The following SHTN1 variants were observed in gnomAD, a reference collection of about 807,000 sequenced individuals.
SHTN1 encodes shootin 1, also known as shootin-1.
SHTN1 carries 42 observed loss-of-function variants against 83.1 expected under a neutral mutation model. The ratio of observed to expected loss-of-function variants is 0.51; its 90% CI spans 0.39 to 0.65. SHTN1 has a LOEUF of 0.65. Ranked by LOEUF, SHTN1 falls within the 30% of genes least tolerant of loss-of-function variation. The pLI is 0.00. For missense variants in SHTN1, 622 were observed against 737.8 expected, an observed-to-expected ratio of 0.84 and a Z score of 1.82; for synonymous variants, 224 against 247.7, an observed-to-expected ratio of 0.90 and a Z score of 0.90.
At chr10:117,034,500 G>T (rs1185153412) in intron 2 of SHTN1, among the ~76,000 whole-genome samples, 1 of 152,130 alleles carries the variant, frequency 6.6e-6, no homozygotes, top group Admixed American at 6.5e-5. Context: ...AATTAGTTGG[G>T]TGTGGTGGCA....
chr10:117,109,094 G>C (rs1309272798), intron 1 of SHTN1, among the ~76,000 whole-genome samples: 1 of 152,186 alleles, frequency 6.6e-6, no homozygotes, highest in Non-Finnish European at 1.5e-5. Context: ...ACTGCTCTAC[G>C]TTATAGCAAC....
intron 1 of SHTN1, among the ~76,000 whole-genome samples, chr10:117,057,835 A>G (rs773447543): frequency 3.3e-5 from 5 of 152,218 alleles, no homozygotes; most frequent in Middle Eastern, 3.2e-3. Flanking sequence ...ACATTGTTAC[A>G]TTAAAATGTT....
At chr10:116,908,932 T>C (rs1848080859) in intron 14 of SHTN1, among the ~76,000 whole-genome samples, 6 of 152,204 alleles carry the variant, frequency 3.9e-5, no homozygotes, top group Admixed American at 3.3e-4. Flanking sequence ...GAGTAAACTT[T>C]CAATACAAGG....
intron 1 of SHTN1, among the ~76,000 whole-genome samples, chr10:117,095,100 C>T (rs745491676): frequency 2.0e-5 from 3 of 152,148 alleles, no homozygotes; most frequent in Admixed American, 6.5e-5. Flanking sequence ...AATCTCTTGG[C>T]GAATATCAAA....
intron 1 of SHTN1, among the ~76,000 whole-genome samples, chr10:117,121,353 G>A (rs1853924296): frequency 6.6e-6 from 1 of 151,214 alleles, no homozygotes; most frequent in Admixed American, 6.6e-5. Flanking sequence ...CGAGGTGGGA[G>A]GATTACCTGA....
At chr10:117,027,193 A>AG (rs35276948) in intron 2 of SHTN1, among the ~76,000 whole-genome samples, 98,658 of 151,994 alleles carry the variant, frequency 0.65, 35,782 homozygotes, top group Middle Eastern at 0.84. Flanking sequence ...CCAACATTGG[A>AG]GGGGGGGCCT....
chr10:116,951,921 T>C lies in SHTN1; in HGVS notation c.522A>G (p.Glu174=), dbSNP rs1395784833. The part of the protein sequence containing the change: ...ELENLKSKLV[E]VIEEVNKVKQ... Reference sequence around the variant, plus strand: ...CTGAGATACATACTTCTTCAATTACTTCTACGAGTTTGCTCTTGAGATTTT... The same window carrying C: ...CTGAGATACATACTTCTTCAATTACCTCTACGAGTTTGCTCTTGAGATTTT... The change falls in exon 6 of 17, where the codon GAA becomes GAG. Residue 174 remains glutamate (E), a synonymous_variant. Transcript: ENST00000355371. 1.0e-5 allele frequency: 16 copies of C among 1,583,978 alleles called. No homozygotes were observed. Among genetic ancestry groups the C allele is most frequent in the Non-Finnish European group, 1.4e-5 (16 of 1,158,042 alleles).
intron 11 of SHTN1, among the ~76,000 whole-genome samples, chr10:116,921,998 T>C (rs1216150425): frequency 1.3e-5 from 2 of 152,196 alleles, no homozygotes; most frequent in Non-Finnish European, 2.9e-5. Flanking sequence ...CATCACTCTC[T>C]CTCTGGTCCA....
intron 2 of SHTN1, among the ~76,000 whole-genome samples, chr10:117,031,305 A>T (rs1852410393): frequency 1.3e-5 from 2 of 152,190 alleles, no homozygotes; most frequent in Non-Finnish European, 2.9e-5. Flanking sequence ...GACAAACAAA[A>T]GCTGAGGGAT....
At chr10:116,997,317 T>C (rs1032703358) in intron 1 of SHTN1, among the ~76,000 whole-genome samples, 1 of 152,250 alleles carries the variant, frequency 6.6e-6, no homozygotes, top group African/African-American at 2.4e-5. Context: ...GAGCCACTGC[T>C]TATTTTTCTC....
At chr10:117,115,237 A>G (rs925238439) in intron 1 of SHTN1, among the ~76,000 whole-genome samples, 1 of 152,318 alleles carries the variant, frequency 6.6e-6, no homozygotes, top group South Asian at 2.1e-4. Context: ...AGCCCTGGAG[A>G]TATTTCTCTC....
intron 1 of SHTN1, among the ~76,000 whole-genome samples, chr10:117,094,350 CAA>C (rs1853477206): frequency 6.6e-6 from 1 of 151,986 alleles, no homozygotes; most frequent in Non-Finnish European, 1.5e-5. Flanking sequence ...TCTTACCTTG[CAA>C]AAAAATGTTT....
intron 1 of SHTN1, among the ~76,000 whole-genome samples, chr10:117,068,916 G>C (rs564165146): frequency 6.6e-6 from 1 of 152,214 alleles, no homozygotes; most frequent in African/African-American, 2.4e-5. Flanking sequence ...GAGAACATCT[G>C]AGACAGTTTT....
intron 2 of SHTN1, among the ~76,000 whole-genome samples, chr10:117,038,914 C>A (rs537904810): frequency 3.0e-4 from 45 of 152,268 alleles, no homozygotes; most frequent in Admixed American, 9.8e-4. Flanking sequence ...ATAATACAGC[C>A]ACTTTGGAAG....
At chr10:116,899,530 T>A (rs1302149426) in intron 16 of SHTN1, among the ~76,000 whole-genome samples, 3 of 87,036 alleles carry the variant, frequency 3.4e-5, no homozygotes, top group Admixed American at 2.4e-4. Context: ...TGTGTGTGTG[T>A]GTGTGTGTGT....
At chr10:117,072,473 G>T (rs1182879065) in intron 1 of SHTN1, among the ~76,000 whole-genome samples, 3 of 152,124 alleles carry the variant, frequency 2.0e-5, no homozygotes, top group Non-Finnish European at 4.4e-5. Flanking sequence ...CAGGACCCAG[G>T]AGACATCCCA....
In SHTN1 at chr10:117,002,035, C is replaced by T. The variant is rs75396714; in HGVS notation, c.58+2987G>A. Among the ~76,000 whole-genome samples, 1,098 of 152,268 alleles carry T rather than the reference C, an allele frequency of 7.2e-3. 16 individuals are homozygous for T. Among genetic ancestry groups the T allele is most frequent in the African/African-American group, 0.025 (1,024 of 41,548 alleles). On this transcript the variant is annotated intron_variant, in intron 1 of 16. Coordinates refer to ENST00000355371, the MANE Select transcript of SHTN1 (RefSeq NM_001127211.3). The stretch of plus-strand genomic sequence containing the variant: ...GATTGGCAAAAATTCAAAAACTTGT[C>T]AGGCCATCAAATGAATAAAGATTGC...
At chr10:117,008,545 C>G (rs1852054666), upstream of SHTN1, among the ~76,000 whole-genome samples, 1 of 152,084 alleles carries the variant, frequency 6.6e-6, no homozygotes, top group African/African-American at 2.4e-5. Context: ...TATGGTACAA[C>G]ACAGATGAAA....
intron 2 of SHTN1, among the ~76,000 whole-genome samples, chr10:116,976,661 C>T (rs913603617): frequency 5.3e-5 from 8 of 152,098 alleles, no homozygotes; most frequent in South Asian, 4.1e-4. Context: ...TTACCACCTC[C>T]GGAACTAAAG....
Sources: gnomAD v4.1 joint callset for allele counts (sites outside exome capture counted in the v4.1 genomes callset) on GRCh38, gnomAD v4.1.1 for gene constraint, MANE v1.5 for transcripts, NCBI Gene and HGNC (gene_info 2026-07-23, HGNC 2026-07-21) for gene names.